The following PSTPIP1 variants were observed in gnomAD, a reference collection of about 807,000 sequenced individuals.
The protein encoded by PSTPIP1 is proline-serine-threonine phosphatase-interacting protein 1.
In PSTPIP1, 66 loss-of-function variants were observed where a neutral mutation model predicts 69.6. That is an observed-to-expected ratio of 0.95 (90% confidence interval 0.78 to 1.16). The LOEUF (loss-of-function observed/expected upper bound fraction) is 1.16, where lower values mean the gene tolerates loss of function less well. Among genes scored for constraint, PSTPIP1 ranks in the 50% most tolerant of loss-of-function variants. The pLI is 0.00. For missense variants in PSTPIP1, 603 were observed against 557.4 expected, an observed-to-expected ratio of 1.08 and a Z score of -0.82; for synonymous variants, 266 against 222.7, an observed-to-expected ratio of 1.19 and a Z score of -1.73.
At chr15:77,016,088 C>A (rs2076046739) in intron 1 of PSTPIP1, 1 of 456,014 alleles carries the variant, frequency 2.2e-6, no homozygotes, top group Admixed American at 2.4e-5. Context: ...TGGGGCTGGG[C>A]TCCAGGTGGC....
At position 76,995,508 on chromosome 15, in the gene PSTPIP1, C is replaced by T. The variant is rs746827426; in HGVS notation, c.-66C>T. The T allele has an allele frequency of 2.4e-5, 39 of 1,612,070 alleles. No homozygotes were observed. Among genetic ancestry groups the T allele is most frequent in the South Asian group, 8.8e-5 (8 of 90,946 alleles). On this transcript the variant is annotated 5_prime_UTR_variant, in exon 1 of 15. Coordinates refer to ENST00000558012, the MANE Select transcript of PSTPIP1 (RefSeq NM_003978.5). ...GCCAGGACTGGGACGCTGCTGCTGG[C>T]GCCTGGCCCTCCATCAGGCCAGCCT... is the stretch of plus-strand genomic sequence containing the variant.
chr15:77,033,299 G>C (rs748640369), intron 12 of PSTPIP1, among the ~76,000 whole-genome samples: 5 of 152,344 alleles, frequency 3.3e-5, no homozygotes, highest in Admixed American at 3.3e-4. Flanking sequence ...GGCTGGAGCA[G>C]GACTGGGGCA....
In PSTPIP1 at chr15:76,997,690, T is replaced by C. The variant is rs35565530; in HGVS notation, c.36+2081T>C. 6.6e-3 allele frequency among the ~76,000 whole-genome samples: 1,005 copies of C among 152,322 alleles called. 3 individuals are homozygous for C. The highest frequency in any genetic ancestry group is 0.011 in the Non-Finnish European group (752 of 68,026). On this transcript the variant is annotated intron_variant, in intron 1 of 14. Coordinates refer to ENST00000558012, the MANE Select transcript of PSTPIP1 (RefSeq NM_003978.5). ...CTATCTGACATATCACTGGATCTTT[T>C]GGCTTCGGGGTAAGATAAGAGGTAA...
In PSTPIP1 at chr15:76,998,868, G is replaced by A. The variant is rs148989519; in HGVS notation, c.36+3259G>A. On this transcript the variant is annotated intron_variant, in intron 1 of 14. Coordinates refer to ENST00000558012, the MANE Select transcript of PSTPIP1 (RefSeq NM_003978.5). ...CGCTGCTGTAGGAGTGAGGCAGGGC[G>A]GACCAGCCACAGAGGGAGGGAAGGG... Among the ~76,000 whole-genome samples the A allele has an allele frequency of 2.9e-3, 442 of 152,270 alleles. 1 individual carries two copies. The highest frequency in any genetic ancestry group is 3.8e-3 in the Non-Finnish European group (257 of 68,014).
chr15:77,004,759 C>A (rs1262469039), intron 1 of PSTPIP1, among the ~76,000 whole-genome samples: 1 of 151,756 alleles, frequency 6.6e-6, no homozygotes, highest in Non-Finnish European at 1.5e-5. Flanking sequence ...ACTTGGGAAG[C>A]TGGAGTGGAA....
In PSTPIP1 at chr15:76,996,670, C is replaced by T. The variant is rs557399618; in HGVS notation, c.36+1061C>T. ...TGGCCAGCGTGTGAGTGTTCTGCTT[C>T]CTCTGCTCTGACTGTACAGTAGGCA... On this transcript the variant is annotated intron_variant, in intron 1 of 14. Coordinates refer to ENST00000558012, the MANE Select transcript of PSTPIP1 (RefSeq NM_003978.5). Among the ~76,000 whole-genome samples, 22 of 152,372 alleles carry T rather than the reference C, an allele frequency of 1.4e-4. No homozygotes were observed. In the South Asian group the frequency reaches 4.6e-3, roughly 32 times the overall value.
Position 76,995,408 on chromosome 15 carries a change from C to T in PSTPIP1, c.-166C>T. The stretch of plus-strand genomic sequence containing the variant: ...TTGAGCTTTTTCCTCCCCTCAGAAG[C>T]TCCTCTCTGGCTCGTGGCTGCCTTC... On this transcript the variant is annotated 5_prime_UTR_variant, in exon 1 of 15. Coordinates refer to ENST00000558012, the MANE Select transcript of PSTPIP1 (RefSeq NM_003978.5). 1 of 1,470,434 alleles carries T rather than the reference C, an allele frequency of 6.8e-7. No homozygotes were observed. Among genetic ancestry groups the T allele is most frequent in the Non-Finnish European group, 9.0e-7 (1 of 1,115,374 alleles). The allele number at this position is 1,470,434 out of a possible 1,614,324, so 91.1% of individuals were successfully genotyped here.
In PSTPIP1 at chr15:77,029,527, A is replaced by C; in HGVS notation, c.517-2A>C. On this transcript the variant is annotated splice_acceptor_variant, in intron 7 of 14. Coordinates refer to ENST00000558012, the MANE Select transcript of PSTPIP1 (RefSeq NM_003978.5). LOFTEE classifies it high-confidence loss of function. ...AGCGCTGCTTCCCCTCTGTTTCCTCAGAGTCAGAACAAAGCCAGGCAGTGC... is the reference window on the plus strand; with the variant it reads ...AGCGCTGCTTCCCCTCTGTTTCCTCCGAGTCAGAACAAAGCCAGGCAGTGC... 1.9e-6 allele frequency: 3 copies of C among 1,578,680 alleles called. No homozygotes were observed. Among genetic ancestry groups the C allele is most frequent in the Non-Finnish European group, 2.6e-6 (3 of 1,163,210 alleles).
intron 12 of PSTPIP1, 106 bp from the exon 13 acceptor site, chr15:77,035,402 G>T: frequency 8.3e-7 from 1 of 1,198,554 alleles, no homozygotes; most frequent in Non-Finnish European, 1.2e-6. Context: ...CCCAGCCCTG[G>T]CAGAGCGCGT....
chr15:77,011,659 T>C (rs2469207), intron 1 of PSTPIP1, among the ~76,000 whole-genome samples: 149,340 of 152,314 alleles, frequency 0.98, 73,268 homozygotes, highest in East Asian at 1. Context: ...GTAAGTCATC[T>C]TCATCCCATA....
chr15:77,031,572 G>A, intron 10 of PSTPIP1: 1 of 323,320 alleles, frequency 3.1e-6, no homozygotes, highest in South Asian at 3.0e-5. Context: ...GGGATGGGAG[G>A]GGAGGTGGAC....
intron 12 of PSTPIP1, among the ~76,000 whole-genome samples, chr15:77,033,659 A>G (rs2076476493): frequency 6.6e-6 from 1 of 151,968 alleles, no homozygotes; most frequent in Non-Finnish European, 1.5e-5. Flanking sequence ...CCACCCTTCA[A>G]CCAAGAAGGC....
chr15:77,021,004 C>T (rs936461495), intron 3 of PSTPIP1, among the ~76,000 whole-genome samples: 2 of 152,184 alleles, frequency 1.3e-5, no homozygotes, highest in Non-Finnish European at 2.9e-5. Flanking sequence ...CAGCTGCCCC[C>T]CAGGTCTATG....
chr15:77,027,937 G>T lies in PSTPIP1; in HGVS notation c.417+23G>T. ...GAGGTGAGCGCCAGGGCCTGGGGCC[G>T]CGGCCTTCCCTCGAGGAGCAGCGCA... is the stretch of plus-strand genomic sequence containing the variant. On this transcript the variant is annotated intron_variant, in intron 6 of 14. Transcript: ENST00000558012. This position sits in a 1 kb window ranked among gnomAD's most constrained non-coding sequence, Gnocchi z 4.3. 6.5e-7 allele frequency: 1 copy of T among 1,537,786 alleles called. No homozygotes were observed. The highest frequency in any genetic ancestry group is 8.8e-7 in the Non-Finnish European group (1 of 1,134,664).
At chr15:77,006,342 C>A (rs565785437) in intron 1 of PSTPIP1, among the ~76,000 whole-genome samples, 2 of 152,144 alleles carry the variant, frequency 1.3e-5, no homozygotes, top group South Asian at 2.1e-4. Context: ...TGAAGGAGTT[C>A]TTTATATTTT....
At position 77,027,610 on chromosome 15, in the gene PSTPIP1, A is replaced by G; in HGVS notation, c.355-242A>G. ...GTGGGAACTCCCCAGCTGGAGACGAAGCTCTGGCCAAGGTCTGCAGCAAGG... is the reference window on the plus strand; with the variant it reads ...GTGGGAACTCCCCAGCTGGAGACGAGGCTCTGGCCAAGGTCTGCAGCAAGG... On this transcript the variant is annotated intron_variant, in intron 5 of 14. Transcript: ENST00000558012. This position sits in a 1 kb window ranked among gnomAD's most constrained non-coding sequence, Gnocchi z 4.3. 1.8e-6 allele frequency: 1 copy of G among 541,014 alleles called. No individual in the cohort carries two copies. The highest frequency in any genetic ancestry group is 1.8e-5 in the South Asian group (1 of 55,866). The allele number at this position is 541,014 out of a possible 1,614,324, so 33.5% of individuals were successfully genotyped here. A position where few individuals can be genotyped will look rare whatever the true frequency, so the allele number is the denominator to read the frequency against.
At chr15:77,036,083 C>CTCCT in intron 14 of PSTPIP1, 148 bp downstream of exon 14, 2 of 1,110,736 alleles carry the variant, frequency 1.8e-6, no homozygotes, top group Non-Finnish European at 1.2e-6. Context: ...CACGTGTGCC[C>CTCCT]GAGTGTGTCC....
In PSTPIP1 at chr15:77,032,803, G is replaced by A. The variant is rs1336260816; in HGVS notation, c.839-59G>A. The A allele has an allele frequency of 3.5e-6, 5 of 1,436,522 alleles. No homozygotes were observed. The Admixed American group carries it at 6.1e-5, about 18-fold the overall frequency. The allele number at this position is 1,436,522 out of a possible 1,614,324, so 89.0% of individuals were successfully genotyped here. On this transcript the variant is annotated intron_variant, in intron 11 of 14. Transcript: ENST00000558012. ...GGAATGTAGGGCCCCAGCTGAGTCTGGCAGGGCCAGAATGGGGTGTTGGGG... is the reference window on the plus strand; with the variant it reads ...GGAATGTAGGGCCCCAGCTGAGTCTAGCAGGGCCAGAATGGGGTGTTGGGG...
At chr15:76,995,037 G>A (rs1391528327), upstream of PSTPIP1, 9 of 1,190,728 alleles carry the variant, frequency 7.6e-6, no homozygotes, top group Middle Eastern at 3.7e-4. Context: ...GAGCAGGATG[G>A]CAGGTGGCAG....
Sources: allele counts gnomAD v4.1 joint callset (sites outside exome capture counted in the v4.1 genomes callset), GRCh38; gene constraint gnomAD v4.1.1; non-coding constraint Gnocchi (gnomAD v3.1); transcripts MANE v1.5; gene names NCBI Gene and HGNC (gene_info 2026-07-23, HGNC 2026-07-21).